XDH: variants seen among roughly 807,000 people sequenced by gnomAD.
XDH encodes xanthine dehydrogenase/oxidase.
A neutral mutation model predicts 156.1 loss-of-function variants in XDH; 138 were observed. The ratio of observed to expected loss-of-function variants is 0.88; its 90% CI spans 0.77 to 1.02. The LOEUF (loss-of-function observed/expected upper bound fraction) is 1.02, where lower values mean the gene tolerates loss of function less well. XDH is among the 50% of genes least tolerant of loss of function. XDH has a pLI of 0.00. For missense variants in XDH, 1,849 were observed against 1,684.9 expected (o/e 1.10, Z -1.71); for synonymous variants, 669 against 625.7 (o/e 1.07, Z -1.03).
intron 17 of XDH, among the ~76,000 whole-genome samples, chr2:31,370,790 A>G (rs1397937816): frequency 2.0e-5 from 3 of 152,196 alleles, no homozygotes; most frequent in Non-Finnish European, 2.9e-5. Context: ...ACTTGAGCCC[A>G]GGAGTTTAAG....
intron 14 of XDH, 129 bp downstream of exon 14, chr2:31,376,924 T>C: frequency 6.7e-6 from 8 of 1,198,570 alleles, no homozygotes; most frequent in Non-Finnish European, 7.3e-6. Context: ...GTAGCAGCAG[T>C]AGCAGTAGTT....
chr2:31,357,101 G>A (rs547013428), intron 24 of XDH, among the ~76,000 whole-genome samples: 1 of 152,224 alleles, frequency 6.6e-6, no homozygotes, highest in African/African-American at 2.4e-5. Context: ...GTAGTGCTGA[G>A]GGGAAACTTT....
intron 34 of XDH, among the ~76,000 whole-genome samples, chr2:31,338,081 G>A (rs1246332612): frequency 1.3e-5 from 2 of 152,180 alleles, no homozygotes; most frequent in Non-Finnish European, 2.9e-5. Context: ...ATGACATCAT[G>A]CACATATAAT....
chr2:31,374,735 T>C (rs1018218054), intron 15 of XDH, among the ~76,000 whole-genome samples: 3 of 152,196 alleles, frequency 2.0e-5, no homozygotes, highest in African/African-American at 4.8e-5. Flanking sequence ...TCTCTGCAGT[T>C]GTCTCCCAAG....
chr2:31,369,717 A>G (rs1313391527), intron 18 of XDH, among the ~76,000 whole-genome samples: 1 of 152,218 alleles, frequency 6.6e-6, no homozygotes, highest in Non-Finnish European at 1.5e-5. Flanking sequence ...CTCCTCATGG[A>G]GTCTTTGTTC....
intron 35 of XDH, among the ~76,000 whole-genome samples, chr2:31,336,344 C>G (rs1336685835): frequency 1.3e-5 from 2 of 152,174 alleles, no homozygotes; most frequent in African/African-American, 4.8e-5. Flanking sequence ...ATTTTTAAAT[C>G]GCTGGTATGT....
chr2:31,366,833 C>A (rs1479076117), intron 21 of XDH, 37 bp downstream of exon 21: 5 of 1,613,206 alleles, frequency 3.1e-6, no homozygotes, highest in Admixed American at 1.7e-5. Flanking sequence ...TCCCCGCTAC[C>A]CTGACAGCCC....
At chr2:31,348,609 C>G (rs1201496032) in intron 27 of XDH, among the ~76,000 whole-genome samples, 1 of 152,194 alleles carries the variant, frequency 6.6e-6, no homozygotes, top group Admixed American at 6.5e-5. Context: ...AAATATCTGT[C>G]CTCACTCTGT....
At chr2:31,342,965 A>G (rs985897195) in intron 31 of XDH, among the ~76,000 whole-genome samples, 4 of 152,142 alleles carry the variant, frequency 2.6e-5, no homozygotes, top group Admixed American at 2.0e-4. Context: ...GCATTTGTGC[A>G]TGTGTATTCA....
At chr2:31,373,226 TG>T (rs1686125724) in intron 16 of XDH, among the ~76,000 whole-genome samples, 1 of 152,196 alleles carries the variant, frequency 6.6e-6, no homozygotes, top group Non-Finnish European at 1.5e-5. Context: ...TGGCAGAGTG[TG>T]GACACAAATT....
chr2:31,398,644 A>T lies in XDH; in HGVS notation c.362T>A (p.Val121Asp). The T allele has an allele frequency of 6.2e-7, 1 of 1,614,112 alleles. No individual in the cohort carries two copies. Among genetic ancestry groups the T allele is most frequent in the Non-Finnish European group, 8.5e-7 (1 of 1,179,992 alleles). ...SQCGFCTPGIVMSMYTLLRNQ... is the reference protein window; with the variant it reads ...SQCGFCTPGIDMSMYTLLRNQ... ...CCGGAGCAGTGTGTACATACTCATG[A>T]CGATGCCAGGGGTGCAGAACCCGCA... Residue 121 changes from valine to aspartate, a missense_variant, in exon 5 of 36, where the codon GTC becomes GAC. Physicochemically the swap from Val to Asp is radical, Grantham distance 152. Transcript: ENST00000379416.
chr2:31,405,627 T>G (rs1399725255), intron 2 of XDH, among the ~76,000 whole-genome samples: 1 of 152,192 alleles, frequency 6.6e-6, no homozygotes, highest in African/African-American at 2.4e-5. Flanking sequence ...TCACCAAGGC[T>G]AATGAGGACC....
At chr2:31,348,863 C>A in intron 27 of XDH, 36 bp downstream of exon 27, 3 of 1,582,984 alleles carry the variant, frequency 1.9e-6, no homozygotes, top group Non-Finnish European at 2.6e-6. Context: ...GGGTCCCAGT[C>A]CAGCGGAGAT....
intron 32 of XDH, 97 bp downstream of exon 32, chr2:31,342,086 C>T: frequency 1.7e-6 from 2 of 1,149,940 alleles, no homozygotes; most frequent in Non-Finnish European, 2.6e-6. Context: ...CATTATTTTT[C>T]CAACCAGAAA....
intron 34 of XDH, among the ~76,000 whole-genome samples, chr2:31,339,179 T>C (rs184794818): frequency 1.5e-3 from 228 of 152,312 alleles, no homozygotes; most frequent in Non-Finnish European, 2.6e-3. Context: ...ACCAGTGACG[T>C]ACGCCTGAGA....
In XDH at chr2:31,372,291, G is replaced by A. The variant is rs770762747; in HGVS notation, c.1793C>T (p.Pro598Leu). The change falls in exon 17 of 36, where the codon CCT (proline) becomes CTT (leucine). Residue 598 changes from proline (P) to leucine (L), a missense_variant. Transcript: ENST00000379416. ...SGEAVYCDDI[P>L]RYENELSLRL... ...GAGAGACAGCTCATTCTCGTAGCGAGGAATGTCGTCACAGTACACGGCCTC... is the reference window on the plus strand; with the variant it reads ...GAGAGACAGCTCATTCTCGTAGCGAAGAATGTCGTCACAGTACACGGCCTC... The A allele has an allele frequency of 1.9e-6, 3 of 1,614,258 alleles. No homozygotes were observed. In the Admixed American group the frequency reaches 5.0e-5, roughly 27 times the overall value.
intron 12 of XDH, among the ~76,000 whole-genome samples, chr2:31,380,432 G>A (rs1487710691): frequency 6.6e-6 from 1 of 152,196 alleles, no homozygotes; most frequent in Non-Finnish European, 1.5e-5. Context: ...TAAATTATCT[G>A]TACAATCAAT....
intron 8 of XDH, among the ~76,000 whole-genome samples, chr2:31,387,425 G>C (rs113923480): frequency 1.3e-5 from 2 of 152,102 alleles, no homozygotes; most frequent in African/African-American, 4.8e-5. Flanking sequence ...TAAATAAATG[G>C]ATTGCTTATA....
At chr2:31,393,435 C>A (rs1686826376) in intron 6 of XDH, among the ~76,000 whole-genome samples, 1 of 152,158 alleles carries the variant, frequency 6.6e-6, no homozygotes, top group South Asian at 2.1e-4. Context: ...TATGCTACTT[C>A]CACTTTCTTT....
Sources: allele counts gnomAD v4.1 joint callset (sites outside exome capture counted in the v4.1 genomes callset), GRCh38; gene constraint gnomAD v4.1.1; transcripts MANE v1.5; gene names NCBI Gene and HGNC (gene_info 2026-07-23, HGNC 2026-07-21).